The following WDR41 variants were observed in gnomAD, a reference collection of about 807,000 sequenced individuals.
WDR41 encodes WD repeat domain 41, also known as WD repeat-containing protein 41.
In WDR41, 63 loss-of-function variants were observed where a neutral mutation model predicts 69.3. That is an observed-to-expected ratio of 0.91 (90% CI 0.74 to 1.12). The LOEUF is 1.12. Among genes scored for constraint, WDR41 ranks in the 50% most tolerant of loss-of-function variants. WDR41 has a pLI of 0.00. For missense variants in WDR41, 543 were observed against 534.5 expected (o/e 1.02, Z -0.16); for synonymous variants, 185 against 192.1 (o/e 0.96, Z 0.31).
chr5:77,513,685 T>C (rs937872057), intron 1 of WDR41, among the ~76,000 whole-genome samples: 12 of 152,196 alleles, frequency 7.9e-5, no homozygotes, highest in Admixed American at 7.2e-4. Flanking sequence ...AATTTAAACA[T>C]GTTTTAACCG....
At chr5:77,455,191 G>C (rs547673632) in intron 5 of WDR41, among the ~76,000 whole-genome samples, 1 of 152,168 alleles carries the variant, frequency 6.6e-6, no homozygotes, top group Non-Finnish European at 1.5e-5. Flanking sequence ...GTAGGAAATA[G>C]TATTTCACTG....
chr5:77,591,295 T>A (rs140798591), intron 1 of WDR41, among the ~76,000 whole-genome samples: 1 of 152,282 alleles, frequency 6.6e-6, no homozygotes, highest in African/African-American at 2.4e-5. Flanking sequence ...CTCTGCTTTT[T>A]TTCCTCATCA....
At chr5:77,594,407 A>G (rs930929162) in intron 1 of WDR41, among the ~76,000 whole-genome samples, 1 of 152,138 alleles carries the variant, frequency 6.6e-6, no homozygotes, top group African/African-American at 2.4e-5. Context: ...TAGAACTTAG[A>G]GTATAATAAA....
chr5:77,475,247 C>T (rs1301526917), intron 2 of WDR41, among the ~76,000 whole-genome samples: 5 of 152,208 alleles, frequency 3.3e-5, no homozygotes, highest in African/African-American at 1.2e-4. Flanking sequence ...GGGAGGGGCG[C>T]CCGCCATTGC....
chr5:77,481,098 T>C (rs1801235037), intron 2 of WDR41, among the ~76,000 whole-genome samples: 1 of 151,600 alleles, frequency 6.6e-6, no homozygotes. Flanking sequence ...CTCAGCTCAC[T>C]GCAACTTCTG....
chr5:77,533,901 C>A (rs925602618), intron 1 of WDR41, among the ~76,000 whole-genome samples: 4 of 152,140 alleles, frequency 2.6e-5, no homozygotes, highest in Non-Finnish European at 4.4e-5. Flanking sequence ...GTCTCCCCAG[C>A]ACTGCATCTT....
chr5:77,489,672 T>C, intron 1 of WDR41, 100 bp from the exon 2 acceptor site: 4 of 607,610 alleles, frequency 6.6e-6, no homozygotes, highest in Non-Finnish European at 1.1e-5. Context: ...GGTATACATC[T>C]GAGAACACAA....
At chr5:77,588,112 C>T (rs1432379572) in intron 1 of WDR41, among the ~76,000 whole-genome samples, 5 of 152,108 alleles carry the variant, frequency 3.3e-5, no homozygotes, top group Non-Finnish European at 7.4e-5. Context: ...TCAAACAATC[C>T]ATTTAAAACT....
intron 1 of WDR41, among the ~76,000 whole-genome samples, chr5:77,615,923 G>C (rs12658874): frequency 0.093 from 14,143 of 151,936 alleles, 733 homozygotes; most frequent in East Asian, 0.2. Flanking sequence ...AACCCAGGAG[G>C]CAGAGGTTGC....
chr5:77,565,170 A>G (rs1022945409), intron 1 of WDR41, among the ~76,000 whole-genome samples: 1 of 152,140 alleles, frequency 6.6e-6, no homozygotes, highest in Non-Finnish European at 1.5e-5. Context: ...CTTGGGGGAT[A>G]AAGCTCTCCA....
Position 77,558,116 on chromosome 5 carries a change from AC to A in WDR41, c.42+62362del, listed in dbSNP as rs368204497. Among the ~76,000 whole-genome samples the A allele has an allele frequency of 2.4e-3, 352 of 144,782 alleles. 10 individuals carry two copies. Among genetic ancestry groups the A allele is most frequent in the Middle Eastern group, 7.4e-3 (2 of 270 alleles). The allele number at this position is 144,782 out of a possible 152,430, so 95.0% of individuals were successfully genotyped here. A position where few individuals can be genotyped will look rare whatever the true frequency, so the allele number is the denominator to read the frequency against. ...TTTTAAAAAAAAAAAAAAAAAAAAA[AC>A]AAAACAGGAGTAGGTATGTAGGTAA... On this transcript the variant is annotated intron_variant, in intron 1 of 5. Transcript: ENST00000509971.
intron 1 of WDR41, among the ~76,000 whole-genome samples, chr5:77,619,564 G>A (rs1744738810): frequency 6.6e-6 from 1 of 152,084 alleles, no homozygotes. Flanking sequence ...CCCAAGTCCA[G>A]GTGTCTCTGA....
intron 2 of WDR41, among the ~76,000 whole-genome samples, chr5:77,482,915 A>ACCC (rs967719579): frequency 4.7e-5 from 7 of 150,414 alleles, no homozygotes; most frequent in African/African-American, 1.7e-4. Flanking sequence ...CGGAACCTCC[A>ACCC]CCCCCACTCC....
intron 1 of WDR41, among the ~76,000 whole-genome samples, chr5:77,552,096 GA>G (rs535859647): frequency 8.7e-5 from 13 of 148,930 alleles, no homozygotes; most frequent in East Asian, 5.8e-4. Context: ...AATTGAATGA[GA>G]AAAAAAATGC....
chr5:77,542,848 G>T (rs371842249), intron 1 of WDR41, among the ~76,000 whole-genome samples: 1 of 152,210 alleles, frequency 6.6e-6, no homozygotes, highest in African/African-American at 2.4e-5. Flanking sequence ...CTGCAGGAAT[G>T]AATCAGGAAA....
chr5:77,599,689 G>A (rs996599710), intron 1 of WDR41, among the ~76,000 whole-genome samples: 1 of 152,216 alleles, frequency 6.6e-6, no homozygotes, highest in African/African-American at 2.4e-5. Flanking sequence ...ATTTGGTGAT[G>A]AAAAGAAGAA....
chr5:77,517,715 A>G (rs1434236529), intron 1 of WDR41, among the ~76,000 whole-genome samples: 3 of 151,604 alleles, frequency 2.0e-5, no homozygotes, highest in Admixed American at 2.0e-4. Flanking sequence ...ATTCACAAAT[A>G]CAATAATGAG....
intron 1 of WDR41, among the ~76,000 whole-genome samples, chr5:77,608,192 CT>C (rs1744463358): frequency 6.6e-6 from 1 of 152,198 alleles, no homozygotes; most frequent in Non-Finnish European, 1.5e-5. Context: ...TTGAGATGAC[CT>C]ATTTCATACA....
At chr5:77,544,377 C>T (rs1471485979) in intron 1 of WDR41, among the ~76,000 whole-genome samples, 4 of 152,002 alleles carry the variant, frequency 2.6e-5, no homozygotes, top group Non-Finnish European at 5.9e-5. Context: ...GATACAGAAT[C>T]GTGAAATGGA....
Sources: gnomAD v4.1 joint callset for allele counts (sites outside exome capture counted in the v4.1 genomes callset) on GRCh38, gnomAD v4.1.1 for gene constraint, MANE v1.5 for transcripts, NCBI Gene and HGNC (gene_info 2026-07-23, HGNC 2026-07-21) for gene names.